HFM1: variants seen among roughly 807,000 people sequenced by gnomAD.
The protein encoded by HFM1 is probable ATP-dependent DNA helicase HFM1.
In HFM1, 169 loss-of-function variants were observed where a neutral mutation model predicts 192.1. That is an observed-to-expected ratio of 0.88 (90% CI 0.78 to 1.00). HFM1 has a LOEUF of 1.00. Among genes scored for constraint, HFM1 ranks in the 50% least tolerant of loss-of-function variants. HFM1 has a pLI of 0.00. For synonymous variants in HFM1, 525 were observed against 537.8 expected (o/e 0.98, Z 0.33); for missense variants, 1,661 against 1,668.0 (o/e 1.00, Z 0.07).
intron 13 of HFM1, among the ~76,000 whole-genome samples, chr1:91,366,454 T>C (rs1436844757): frequency 1.3e-5 from 2 of 152,148 alleles, no homozygotes; most frequent in Non-Finnish European, 2.9e-5. Flanking sequence ...ATCATCTAGT[T>C]TATTCACCCA....
chr1:91,297,579 C>T (rs905821289), intron 30 of HFM1, among the ~76,000 whole-genome samples: 4 of 152,190 alleles, frequency 2.6e-5, no homozygotes, highest in African/African-American at 9.7e-5. Context: ...GCCGGGTACC[C>T]CTCTGAGACA....
At chr1:91,347,598 A>AT in intron 18 of HFM1, 122 bp from the exon 19 acceptor site, 1 of 485,570 alleles carries the variant, frequency 2.1e-6, no homozygotes, top group Non-Finnish European at 3.7e-6. Context: ...ATCTCAGCTG[A>AT]TTGAGTTCAA....
At chr1:91,317,081 C>A (rs1651347989) in intron 25 of HFM1, among the ~76,000 whole-genome samples, 1 of 152,134 alleles carries the variant, frequency 6.6e-6, no homozygotes, top group Non-Finnish European at 1.5e-5. Context: ...CTCTTGCTGA[C>A]TACTCTCCAG....
In HFM1 at chr1:91,296,003, A is replaced by G. The variant is rs1570835211; in HGVS notation, c.3391+17346T>C. On this transcript the variant is annotated intron_variant, in intron 30 of 38. Coordinates refer to ENST00000370425, the MANE Select transcript of HFM1 (RefSeq NM_001017975.6). ...TGGAGTGCAGTGGCAATCTCGGCTCACTGCAAGCTCTGCCTCCCAGGTTCA... is the reference window on the plus strand; with the variant it reads ...TGGAGTGCAGTGGCAATCTCGGCTCGCTGCAAGCTCTGCCTCCCAGGTTCA... Among the ~76,000 whole-genome samples, 8 of 152,136 alleles carry G rather than the reference A, an allele frequency of 5.3e-5. No individual in the cohort carries two copies. In the South Asian group the frequency reaches 1.7e-3, roughly 32 times the overall value.
intron 13 of HFM1, among the ~76,000 whole-genome samples, chr1:91,367,948 G>C (rs1659607950): frequency 6.6e-6 from 1 of 152,206 alleles, no homozygotes; most frequent in African/African-American, 2.4e-5. Flanking sequence ...AGAACTATGT[G>C]ACGAATGCAC....
At chr1:91,350,948 A>G in intron 17 of HFM1, 77 bp from the exon 18 acceptor site, 2 of 1,107,104 alleles carry the variant, frequency 1.8e-6, no homozygotes, top group Non-Finnish European at 2.5e-6. Flanking sequence ...AATAATATAG[A>G]ATATACCCAT....
At chr1:91,340,928 C>G (rs1655243446) in intron 20 of HFM1, among the ~76,000 whole-genome samples, 1 of 152,120 alleles carries the variant, frequency 6.6e-6, no homozygotes, top group Non-Finnish European at 1.5e-5. Flanking sequence ...AATACTAGAG[C>G]ACACAGATTC....
intron 3 of HFM1, 80 bp downstream of exon 3, chr1:91,396,213 C>A (rs1663638181): frequency 1.6e-6 from 1 of 609,832 alleles, no homozygotes; most frequent in Non-Finnish European, 2.9e-6. Flanking sequence ...CAACGTGTAA[C>A]AATCAAATCA....
At chr1:91,380,517 G>A (rs2102009533) in intron 7 of HFM1, among the ~76,000 whole-genome samples, 1 of 152,248 alleles carries the variant, frequency 6.6e-6, no homozygotes, top group South Asian at 2.1e-4. Context: ...ACTTTGGGAA[G>A]CCAAGGAAGG....
At chr1:91,399,996 A>C (rs1457337196) in intron 2 of HFM1, among the ~76,000 whole-genome samples, 1 of 152,178 alleles carries the variant, frequency 6.6e-6, no homozygotes, top group Admixed American at 6.5e-5. Flanking sequence ...ATTACTTATT[A>C]ATGTCTTTCC....
At chr1:91,401,906 G>A (rs1350243165) in intron 1 of HFM1, among the ~76,000 whole-genome samples, 1 of 143,606 alleles carries the variant, frequency 7.0e-6, no homozygotes, top group Non-Finnish European at 1.6e-5. Context: ...GAACAAAGAT[G>A]CAAATGTGAT....
At chr1:91,335,824 C>T (rs888805902) in intron 20 of HFM1, among the ~76,000 whole-genome samples, 1 of 152,194 alleles carries the variant, frequency 6.6e-6, no homozygotes, top group East Asian at 1.9e-4. Flanking sequence ...ATCATGTTTA[C>T]ACCGAGATCA....
At chr1:91,403,426 A>G (rs1359436588) in intron 1 of HFM1, among the ~76,000 whole-genome samples, 1 of 152,212 alleles carries the variant, frequency 6.6e-6, no homozygotes, top group East Asian at 1.9e-4. Flanking sequence ...AAAATCATGA[A>G]GGTTCTAAAA....
intron 20 of HFM1, among the ~76,000 whole-genome samples, chr1:91,339,626 C>A (rs1655061490): frequency 6.6e-6 from 1 of 152,174 alleles, no homozygotes. Context: ...ATGAACAAAA[C>A]TTCCAAGAAA....
intron 30 of HFM1, among the ~76,000 whole-genome samples, chr1:91,293,923 A>T (rs1422580421): frequency 6.6e-6 from 1 of 151,626 alleles, no homozygotes; most frequent in Admixed American, 6.6e-5. Flanking sequence ...ACTGGAAATC[A>T]TCATTCTCAG....
At chr1:91,266,537 T>TAA (rs1665782780) in intron 35 of HFM1, among the ~76,000 whole-genome samples, 1 of 152,178 alleles carries the variant, frequency 6.6e-6, no homozygotes, top group Non-Finnish European at 1.5e-5. Context: ...GTTTGTGTTT[T>TAA]TGCACTCACT....
intron 13 of HFM1, among the ~76,000 whole-genome samples, chr1:91,360,767 T>C (rs1658389229): frequency 6.6e-6 from 1 of 152,190 alleles, no homozygotes; most frequent in South Asian, 2.1e-4. Flanking sequence ...ACATGGCATG[T>C]ACTCTAAAAC....
chr1:91,352,956 A>C, intron 15 of HFM1, 95 bp downstream of exon 15: 1 of 762,150 alleles, frequency 1.3e-6, no homozygotes, highest in East Asian at 2.7e-5. Context: ...AGAAAAGCAG[A>C]AACAAGCAGA....
At chr1:91,346,353 T>C (rs1656140025) in intron 19 of HFM1, among the ~76,000 whole-genome samples, 1 of 152,204 alleles carries the variant, frequency 6.6e-6, no homozygotes. Flanking sequence ...ATATGTTTAA[T>C]TAAAAATTCC....
Sources: allele counts gnomAD v4.1 joint callset (sites outside exome capture counted in the v4.1 genomes callset), GRCh38; gene constraint gnomAD v4.1.1; transcripts MANE v1.5; gene names NCBI Gene and HGNC (gene_info 2026-07-23, HGNC 2026-07-21).